Variants in LRMDA observed in about 807,000 individuals in gnomAD.
LRMDA encodes leucine-rich melanocyte differentiation-associated protein.
In LRMDA, 18 loss-of-function variants were observed where a neutral mutation model predicts 29.8. That is an observed-to-expected ratio of 0.60 (90% CI 0.42 to 0.90). The LOEUF (loss-of-function observed/expected upper bound fraction) is 0.90, where lower values mean the gene tolerates loss of function less well. LRMDA is among the 40% of genes least tolerant of loss of function. LRMDA has a pLI of 0.00. For missense variants in LRMDA, 273 were observed against 273.9 expected (o/e 1.00, Z 0.02); for synonymous variants, 125 against 109.4 (o/e 1.14, Z -0.89).
intron 2 of LRMDA, among the ~76,000 whole-genome samples, chr10:75,752,208 C>CTTTTTTT (rs780364065): frequency 2.7e-5 from 3 of 113,140 alleles, no homozygotes; most frequent in Non-Finnish European, 5.4e-5. Context: ...TAACGTGTCT[C>CTTTTTTT]TTTTTTTTTT....
At chr10:76,254,371 A>AT (rs1554859393) in intron 5 of LRMDA, among the ~76,000 whole-genome samples, 1 of 142,082 alleles carries the variant, frequency 7.0e-6, no homozygotes, top group African/African-American at 2.6e-5. Flanking sequence ...ATGCTATGCT[A>AT]TGCTATGCTA....
chr10:75,751,411 C>T (rs983991969), intron 2 of LRMDA, among the ~76,000 whole-genome samples: 4 of 152,076 alleles, frequency 2.6e-5, no homozygotes. Flanking sequence ...CTTTAACCTG[C>T]TTTTAACCTA....
intron 2 of LRMDA, among the ~76,000 whole-genome samples, chr10:75,911,821 C>T (rs989795045): frequency 2.0e-5 from 3 of 152,192 alleles, no homozygotes; most frequent in Admixed American, 6.5e-5. Context: ...GCCACATGCC[C>T]AGGATCCTGC....
intron 6 of LRMDA, among the ~76,000 whole-genome samples, chr10:76,381,719 T>C (rs955889840): frequency 1.3e-5 from 2 of 152,186 alleles, no homozygotes; most frequent in Non-Finnish European, 2.9e-5. Flanking sequence ...CCCTCCACTT[T>C]ACAAAACTTT....
intron 2 of LRMDA, among the ~76,000 whole-genome samples, chr10:75,712,116 C>T (rs1479003464): frequency 6.6e-6 from 1 of 152,080 alleles, no homozygotes; most frequent in Admixed American, 6.6e-5. Flanking sequence ...TACATTTTCT[C>T]CCTGTGATTT....
chr10:76,090,201 T>G (rs1039203252), intron 5 of LRMDA, among the ~76,000 whole-genome samples: 8 of 152,174 alleles, frequency 5.3e-5, no homozygotes, highest in African/African-American at 1.9e-4. Flanking sequence ...CAGGCGCCAT[T>G]GCCTGGACTG....
intron 6 of LRMDA, among the ~76,000 whole-genome samples, chr10:76,424,354 C>G (rs1015353871): frequency 6.6e-6 from 1 of 151,914 alleles, no homozygotes; most frequent in Non-Finnish European, 1.5e-5. Flanking sequence ...ATGGTGAAAC[C>G]CTGTCTCTAC....
At chr10:76,407,575 C>A (rs146816610) in intron 6 of LRMDA, among the ~76,000 whole-genome samples, 12 of 152,062 alleles carry the variant, frequency 7.9e-5, no homozygotes, top group Admixed American at 5.9e-4. Context: ...CTCACAACAA[C>A]CCTGTAAAAT....
chr10:76,338,825 A>G (rs1484994817), intron 6 of LRMDA, among the ~76,000 whole-genome samples: 1 of 152,244 alleles, frequency 6.6e-6, no homozygotes, highest in Non-Finnish European at 1.5e-5. Context: ...AAATCCAGGA[A>G]GAGCAATGTT....
At chr10:76,436,666 C>T (rs968977818) in intron 6 of LRMDA, among the ~76,000 whole-genome samples, 5 of 152,216 alleles carry the variant, frequency 3.3e-5, no homozygotes, top group African/African-American at 1.2e-4. Context: ...TCTTCACACC[C>T]AGACAGATGC....
intron 2 of LRMDA, among the ~76,000 whole-genome samples, chr10:75,527,750 A>C (rs1845430308): frequency 6.8e-6 from 1 of 147,592 alleles, no homozygotes; most frequent in Admixed American, 6.8e-5. Flanking sequence ...AATATAAATA[A>C]TATATAATAT....
rs1222685446 is a variant in LRMDA at position 76,261,067 on chromosome 10, T to TTC, written c.517-63333_517-63332insCT. 1.9e-4 allele frequency among the ~76,000 whole-genome samples: 27 copies of TTC among 142,532 alleles called. 1 individual carries two copies. Among genetic ancestry groups the TTC allele is most frequent in the African/African-American group, 7.1e-4 (27 of 38,072 alleles). The allele number at this position is 142,532 out of a possible 152,430, so 93.5% of individuals were successfully genotyped here. ...TGACTTGCGTTTCTTTTCTTTTCTT[T>TTC]TTTTTTTTTTTTTTTGAGACGGAGT... On this transcript the variant is annotated intron_variant, in intron 5 of 6. Transcript: ENST00000611255.
intron 2 of LRMDA, among the ~76,000 whole-genome samples, chr10:76,019,140 G>A (rs2395334): frequency 0.61 from 92,978 of 151,922 alleles, 28,715 homozygotes; most frequent in South Asian, 0.67. Context: ...CCCTCGGGCC[G>A]GGTGCAGCTC....
At chr10:75,565,262 GA>G (rs1840355332) in intron 2 of LRMDA, among the ~76,000 whole-genome samples, 1 of 152,200 alleles carries the variant, frequency 6.6e-6, no homozygotes, top group South Asian at 2.1e-4. Flanking sequence ...AAGATTCCAT[GA>G]AAGTTCCTTT....
chr10:75,580,534 C>A (rs1418545900), intron 2 of LRMDA, among the ~76,000 whole-genome samples: 1 of 152,158 alleles, frequency 6.6e-6, no homozygotes, highest in Non-Finnish European at 1.5e-5. Flanking sequence ...ATCAAGCCAC[C>A]ATTAACTTTC....
chr10:76,252,133 G>A (rs958969777), intron 5 of LRMDA, among the ~76,000 whole-genome samples: 1 of 152,060 alleles, frequency 6.6e-6, no homozygotes, highest in Non-Finnish European at 1.5e-5. Flanking sequence ...CCCCAATGAC[G>A]CACACTAACT....
intron 2 of LRMDA, among the ~76,000 whole-genome samples, chr10:75,525,159 C>G (rs976722802): frequency 9.9e-5 from 15 of 152,220 alleles, no homozygotes; most frequent in Admixed American, 9.2e-4. Flanking sequence ...GGCTATACAG[C>G]ATCCTCACTT....
At chr10:76,010,599 A>G (rs1847762234) in intron 2 of LRMDA, among the ~76,000 whole-genome samples, 1 of 152,164 alleles carries the variant, frequency 6.6e-6, no homozygotes, top group Non-Finnish European at 1.5e-5. Context: ...GGCGTGAGCC[A>G]CTGTGCCCAG....
intron 6 of LRMDA, among the ~76,000 whole-genome samples, chr10:76,482,729 C>T (rs371160584): frequency 2.6e-5 from 4 of 151,976 alleles, no homozygotes; most frequent in South Asian, 2.1e-4. Context: ...ATAGAATGTG[C>T]ATTTGTTCAG....
Sources: allele counts gnomAD v4.1 joint callset (sites outside exome capture counted in the v4.1 genomes callset), GRCh38; gene constraint gnomAD v4.1.1; transcripts MANE v1.5; gene names NCBI Gene and HGNC (gene_info 2026-07-23, HGNC 2026-07-21).